TRAF3: variants seen among roughly 807,000 people sequenced by gnomAD.
TRAF3 encodes TNF receptor-associated factor 3.
In TRAF3, 13 loss-of-function variants were observed where a neutral mutation model predicts 62.3. That is an observed-to-expected ratio of 0.21 (90% confidence interval 0.14 to 0.33). The LOEUF (loss-of-function observed/expected upper bound fraction) is 0.33. TRAF3 is among the 10% of genes least tolerant of loss of function. The pLI, the probability that TRAF3 is intolerant of heterozygous loss-of-function variation, is 1.00. For synonymous variants in TRAF3, 269 were observed against 283.4 expected, an observed-to-expected ratio of 0.95 and a Z score of 0.51; for missense variants, 440 against 741.8, an observed-to-expected ratio of 0.59 and a Z score of 4.73.
At chr14:102,902,196 G>A (rs542195789) in intron 10 of TRAF3, among the ~76,000 whole-genome samples, 69 of 152,362 alleles carry the variant, frequency 4.5e-4, no homozygotes, top group Non-Finnish European at 9.0e-4. Context: ...AGCCTCGTGT[G>A]TTCGTGGCAG....
chr14:102,837,563 A>G (rs566252689), intron 2 of TRAF3, among the ~76,000 whole-genome samples: 4 of 152,268 alleles, frequency 2.6e-5, no homozygotes, highest in South Asian at 2.1e-4. Context: ...TCCCTGGTGC[A>G]TCAGGTTGTG....
intron 2 of TRAF3, among the ~76,000 whole-genome samples, chr14:102,841,768 A>G (rs549485059): frequency 3.3e-5 from 5 of 152,208 alleles, no homozygotes; most frequent in Non-Finnish European, 7.3e-5. Flanking sequence ...CAGGAAGAAA[A>G]TCAAGAGAAA....
chr14:102,875,023 AAG>A (rs1200356139), intron 4 of TRAF3, among the ~76,000 whole-genome samples: 2 of 152,194 alleles, frequency 1.3e-5, no homozygotes, highest in African/African-American at 2.4e-5. Context: ...TATATGTTTA[AAG>A]AGAGTGTTTT....
chr14:102,840,962 T>C (rs541628658), intron 2 of TRAF3, among the ~76,000 whole-genome samples: 89 of 152,320 alleles, frequency 5.8e-4, no homozygotes, highest in African/African-American at 2.0e-3. Context: ...GTAACCATTG[T>C]AGGTTTTGGG....
At position 102,903,788 on chromosome 14, in the gene TRAF3, A is replaced by G. The variant is rs2140003892; in HGVS notation, c.1135+359A>G. 1 of 484,602 alleles carries G rather than the reference A, an allele frequency of 2.1e-6. No individual in the cohort carries two copies. Among genetic ancestry groups the G allele is most frequent in the African/African-American group, 1.9e-5 (1 of 51,348 alleles). The allele number at this position is 484,602 out of a possible 1,614,324, so 30.0% of individuals were successfully genotyped here. A position where few individuals can be genotyped will look rare whatever the true frequency, so the allele number is the denominator to read the frequency against. On this transcript the variant is annotated intron_variant, in intron 11 of 11. Transcript: ENST00000392745. The surrounding 1 kb of genome is among the most constrained non-coding windows in gnomAD (Gnocchi z 6.4). ...CAGGACCTGCTGGTCGGGGCGCCCC[A>G]GACCCCACTCCTAAGGGCCAGGGGG...
At chr14:102,806,507 TCCCC>T (rs1402664855) in intron 1 of TRAF3, among the ~76,000 whole-genome samples, 1 of 152,176 alleles carries the variant, frequency 6.6e-6, no homozygotes, top group Non-Finnish European at 1.5e-5. Context: ...GTTCCCAAGT[TCCCC>T]AAACTTATGT....
intron 1 of TRAF3, among the ~76,000 whole-genome samples, chr14:102,807,105 C>T (rs1421914361): frequency 1.3e-5 from 2 of 152,194 alleles, no homozygotes; most frequent in Admixed American, 6.5e-5. Context: ...CACTTCACCC[C>T]AGTTTTCTCC....
At chr14:102,778,499 G>T (rs1313600125) in intron 1 of TRAF3, among the ~76,000 whole-genome samples, 1 of 152,204 alleles carries the variant, frequency 6.6e-6, no homozygotes, top group South Asian at 2.1e-4. Context: ...TTCAGATTAC[G>T]AGCTGTTGAC....
rs771768312 is a variant in TRAF3 at position 102,876,509 on chromosome 14, C to T, written c.554C>T (p.Pro185Leu). The T allele has an allele frequency of 4.3e-6, 7 of 1,613,706 alleles. No homozygotes were observed. Among genetic ancestry groups the T allele is most frequent in the South Asian group, 2.2e-5 (2 of 91,060 alleles). The change falls in exon 6 of 12, where the codon CCG (proline) becomes CTG (leucine). Residue 185 changes from proline to leucine, a missense_variant. Pro to Leu is a moderately conservative substitution (Grantham distance 98). This residue lies in a region of TRAF3 where 255 missense variants were observed against 424.1 expected (regional missense o/e 0.60). Transcript: ENST00000392745. Reference sequence around the variant, plus strand: ...TGCAGCCACTGCAAGAGTCAGGTTCCGATGATCGCGCTGCAGGTGCGGGTC... The same window carrying T: ...TGCAGCCACTGCAAGAGTCAGGTTCTGATGATCGCGCTGCAGGTGCGGGTC... ...ATCSHCKSQV[P>L]MIALQKHEDT... is the part of the protein sequence containing the mutation.
At chr14:102,870,132 T>G (rs753518472) in intron 2 of TRAF3, 53 bp from the exon 3 acceptor site, 1 of 1,612,872 alleles carries the variant, frequency 6.2e-7, no homozygotes, top group African/African-American at 1.3e-5. Flanking sequence ...AAAGCTGTGT[T>G]TGTTTCCTTG....
intron 1 of TRAF3, among the ~76,000 whole-genome samples, chr14:102,796,881 C>T: frequency 6.6e-6 from 1 of 152,236 alleles, no homozygotes; most frequent in East Asian, 1.9e-4. Context: ...TGTGAGATAG[C>T]ATAAGGGACA....
At chr14:102,831,168 C>A (rs1285378840) in intron 2 of TRAF3, among the ~76,000 whole-genome samples, 2 of 152,108 alleles carry the variant, frequency 1.3e-5, no homozygotes, top group Non-Finnish European at 2.9e-5. Context: ...GGGTGTGTGG[C>A]CTCCCTCACC....
intron 7 of TRAF3, among the ~76,000 whole-genome samples, chr14:102,888,709 G>T (rs995052359): frequency 3.9e-5 from 6 of 152,262 alleles, no homozygotes; most frequent in Admixed American, 2.6e-4. Context: ...TTCAATAAAA[G>T]ACAAAACTTC....
intron 4 of TRAF3, among the ~76,000 whole-genome samples, chr14:102,874,249 G>C (rs754098902): frequency 3.9e-5 from 6 of 152,184 alleles, no homozygotes; most frequent in Non-Finnish European, 7.4e-5. Context: ...CTGGGTGACA[G>C]AGTGAAACCC....
intron 4 of TRAF3, among the ~76,000 whole-genome samples, chr14:102,874,774 C>T (rs970734350): frequency 6.6e-6 from 1 of 151,990 alleles, no homozygotes; most frequent in Non-Finnish European, 1.5e-5. Flanking sequence ...CCTCAGCCTC[C>T]TGAGTAGCTG....
chr14:102,784,215 CTTTTTTTTTTTTTTTTT>C (rs76663820), intron 1 of TRAF3, among the ~76,000 whole-genome samples: 4 of 117,612 alleles, frequency 3.4e-5, no homozygotes, highest in Admixed American at 9.0e-5. Context: ...GATGCTTGGC[CTTTTTTTTTTTTTTTTT>C]TTTTTTTTTT....
At chr14:102,781,766 A>G (rs1252121179) in intron 1 of TRAF3, among the ~76,000 whole-genome samples, 1 of 149,216 alleles carries the variant, frequency 6.7e-6, no homozygotes, top group African/African-American at 2.5e-5. Context: ...AGCTGGGATT[A>G]CAGGCGCCTG....
At chr14:102,783,653 C>T (rs1897356835) in intron 1 of TRAF3, among the ~76,000 whole-genome samples, 1 of 152,130 alleles carries the variant, frequency 6.6e-6, no homozygotes, top group Non-Finnish European at 1.5e-5. Flanking sequence ...TTACTTCGTT[C>T]CCTAAATCTT....
At chr14:102,878,430 G>A (rs1888847190) in intron 6 of TRAF3, among the ~76,000 whole-genome samples, 2 of 151,560 alleles carry the variant, frequency 1.3e-5, no homozygotes, top group South Asian at 4.2e-4. Context: ...GGGTGTGTGT[G>A]TATGGGTGAG....
Sources: allele counts gnomAD v4.1 joint callset (sites outside exome capture counted in the v4.1 genomes callset), GRCh38; gene constraint gnomAD v4.1.1; regional missense constraint gnomAD v4.1.1; non-coding constraint Gnocchi (gnomAD v3.1); transcripts MANE v1.5; gene names NCBI Gene and HGNC (gene_info 2026-07-23, HGNC 2026-07-21).